Variants in SENP6 observed in about 807,000 individuals in gnomAD.
SENP6 encodes SUMO specific peptidase 6, also known as sentrin-specific protease 6.
SENP6 carries 41 observed loss-of-function variants against 134.5 expected under a neutral mutation model. The ratio of observed to expected loss-of-function variants is 0.30; its 90% CI spans 0.24 to 0.40. The LOEUF is 0.40. Ranked by LOEUF, SENP6 falls within the 10% of genes least tolerant of loss-of-function variation. The pLI is 1.00. For synonymous variants in SENP6, 395 were observed against 429.8 expected, an observed-to-expected ratio of 0.92 and a Z score of 1.00; for missense variants, 1,248 against 1,312.5, an observed-to-expected ratio of 0.95 and a Z score of 0.76.
Position 75,675,485 on chromosome 6 carries a change from C to CT in SENP6, c.1426+22dup, listed in dbSNP as rs1431607854. On this transcript the variant is annotated intron_variant, in intron 12 of 23. Coordinates refer to ENST00000447266, the MANE Select transcript of SENP6 (RefSeq NM_015571.4). ...AGCTAGACGGTAAGCTATTTTATGT[C>CT]TTTTTACTTACCAAAGCTTTCTTTA... The CT allele has an allele frequency of 7.1e-7, 1 of 1,406,602 alleles. No homozygotes were observed. The highest frequency in any genetic ancestry group is 2.3e-5 in the Admixed American group (1 of 44,358). 87.1% of individuals were successfully genotyped at this position (1,406,602 alleles called of 1,614,324 possible). A position where few individuals can be genotyped will look rare whatever the true frequency, so the allele number is the denominator to read the frequency against.
intron 13 of SENP6, among the ~76,000 whole-genome samples, chr6:75,676,296 A>T (rs1198006415): frequency 1.3e-5 from 2 of 152,108 alleles, no homozygotes; most frequent in African/African-American, 4.8e-5. Context: ...TTCTAAGTGG[A>T]TTAAAACCCA....
intron 1 of SENP6, among the ~76,000 whole-genome samples, chr6:75,607,382 A>C (rs1365926336): frequency 6.6e-6 from 1 of 151,894 alleles, no homozygotes; most frequent in African/African-American, 2.4e-5. Context: ...AGATGATTGG[A>C]ATAGAGGACA....
chr6:75,659,375 C>G lies in SENP6; in HGVS notation c.664C>G (p.Pro222Ala). ...CTATCAGCCTACTCCTCCTCTATCT[C>G]CTGCTTCAAAAAAATGTTTAACCCA... The part of the protein sequence containing the change: ...STYQPTPPLS[P>A]ASKKCLTHLE... Residue 222 changes from proline (P) to alanine (A), a missense_variant, in exon 8 of 24, where the codon CCT becomes GCT. Physicochemically the swap from Pro to Ala is conservative, Grantham distance 27. Around this residue, in one of 3 missense-constraint regions of SENP6, gnomAD observed 733 missense variants for 725.4 expected, o/e 1.01. Coordinates refer to ENST00000447266, the MANE Select transcript of SENP6 (RefSeq NM_015571.4). The G allele has an allele frequency of 1.2e-6, 2 of 1,609,022 alleles. No homozygotes were observed. Among genetic ancestry groups the G allele is most frequent in the Non-Finnish European group, 1.7e-6 (2 of 1,177,558 alleles).
At chr6:75,627,970 C>T (rs976256017) in intron 3 of SENP6, among the ~76,000 whole-genome samples, 1 of 152,174 alleles carries the variant, frequency 6.6e-6, no homozygotes, top group African/African-American at 2.4e-5. Context: ...CCACGCCTGG[C>T]CTGCTTTCAG....
At chr6:75,683,252 GT>G (rs961834745) in intron 16 of SENP6, among the ~76,000 whole-genome samples, 2 of 150,938 alleles carry the variant, frequency 1.3e-5, no homozygotes, top group African/African-American at 2.4e-5. Flanking sequence ...TTTTGATGGG[GT>G]TTTTTTTTCT....
chr6:75,659,753 C>T (rs1017059788), intron 8 of SENP6, among the ~76,000 whole-genome samples: 6 of 152,076 alleles, frequency 3.9e-5, no homozygotes, highest in Admixed American at 3.9e-4. Flanking sequence ...TTCACATTTG[C>T]TTTATTGTCC....
At chr6:75,628,440 A>G (rs532889451) in intron 3 of SENP6, among the ~76,000 whole-genome samples, 2 of 152,210 alleles carry the variant, frequency 1.3e-5, no homozygotes, top group Non-Finnish European at 2.9e-5. Context: ...TAATTATTAA[A>G]TTTATTATGC....
intron 1 of SENP6, among the ~76,000 whole-genome samples, chr6:75,616,814 C>T (rs1033762688): frequency 2.7e-5 from 4 of 150,618 alleles, no homozygotes; most frequent in Admixed American, 6.6e-5. Flanking sequence ...AATATTACGA[C>T]GTCTCTTTTG....
intron 19 of SENP6, among the ~76,000 whole-genome samples, chr6:75,708,569 A>C (rs1038422418): frequency 2.0e-5 from 3 of 152,152 alleles, no homozygotes; most frequent in African/African-American, 7.2e-5. Flanking sequence ...CCACCTGGGC[A>C]AAAGAGTGAG....
In SENP6 at chr6:75,678,682, C is replaced by A; in HGVS notation, c.1948C>A (p.Pro650Thr). The A allele has an allele frequency of 1.3e-6, 2 of 1,578,256 alleles. No homozygotes were observed. Among genetic ancestry groups the A allele is most frequent in the Non-Finnish European group, 1.7e-6 (2 of 1,152,166 alleles). Reference protein sequence around the residue: ...TGENHTIFIGPVEKLIVYPPP... With the variant: ...TGENHTIFIGTVEKLIVYPPP... ...AGAAAACCACACCATCTTCATTGGC[C>A]CAGTAGAAAAGTGAGAGAATTCCTT... Residue 650 changes from proline (P) to threonine (T), a missense_variant, in exon 15 of 24, where the codon CCA becomes ACA. Physicochemically the swap from Pro to Thr is conservative, Grantham distance 38. Transcript: ENST00000447266.
At chr6:75,629,385 G>A (rs546933769) in intron 3 of SENP6, among the ~76,000 whole-genome samples, 2 of 152,024 alleles carry the variant, frequency 1.3e-5, no homozygotes, top group East Asian at 1.9e-4. Flanking sequence ...TGCAACCTTC[G>A]CCTTCCCAGG....
intron 19 of SENP6, 134 bp from the exon 20 acceptor site, chr6:75,709,393 T>C (rs922126442): frequency 1.8e-6 from 1 of 546,000 alleles, no homozygotes; most frequent in Non-Finnish European, 3.2e-6. Flanking sequence ...ATGTTTGTGA[T>C]ATTACACACT....
intron 21 of SENP6, 151 bp downstream of exon 21, chr6:75,711,567 G>T (rs1775747007): frequency 5.7e-6 from 3 of 522,118 alleles, no homozygotes; most frequent in Admixed American, 3.6e-5. Flanking sequence ...GCTATCTAGG[G>T]ATTAAAATGG....
chr6:75,712,714 A>T (rs1775819390), intron 21 of SENP6, among the ~76,000 whole-genome samples: 1 of 152,054 alleles, frequency 6.6e-6, no homozygotes, highest in South Asian at 2.1e-4. Flanking sequence ...TGTTCTACAG[A>T]GTGTTCTGAA....
intron 1 of SENP6, among the ~76,000 whole-genome samples, chr6:75,613,114 TAAAA>T (rs71002750): frequency 6.9e-6 from 1 of 145,542 alleles, no homozygotes; most frequent in Non-Finnish European, 1.5e-5. Context: ...ATTCTGTCTT[TAAAA>T]AAAAAAAAAG....
chr6:75,682,053 A>G (rs1773500650), intron 16 of SENP6, among the ~76,000 whole-genome samples: 3 of 152,164 alleles, frequency 2.0e-5, no homozygotes. Flanking sequence ...AAGAAAAAGG[A>G]TGGAAAAGAT....
chr6:75,698,239 G>A (rs969854356), intron 18 of SENP6, among the ~76,000 whole-genome samples: 1 of 152,210 alleles, frequency 6.6e-6, no homozygotes, highest in Non-Finnish European at 1.5e-5. Flanking sequence ...GGCTTTCCTT[G>A]AGTGATATGG....
At chr6:75,610,672 A>G (rs933458198) in intron 1 of SENP6, among the ~76,000 whole-genome samples, 1 of 152,292 alleles carries the variant, frequency 6.6e-6, no homozygotes, top group South Asian at 2.1e-4. Context: ...TCCCAGGCAC[A>G]CTGGGATGTT....
chr6:75,663,207 T>G lies in SENP6; in HGVS notation c.697-14T>G, dbSNP rs1319485704. On this transcript the variant is annotated splice_polypyrimidine_tract_variant and intron_variant, in intron 8 of 23. Transcript: ENST00000447266. ...CAGACCAAATGCCAAAGTTGTGGTG[T>G]TCTTTTTTCTAAGGATTTGCAAAGA... 6 of 1,605,484 alleles carry G rather than the reference T, an allele frequency of 3.7e-6. No homozygotes were observed. Among genetic ancestry groups the G allele is most frequent in the East Asian group, 2.2e-5 (1 of 44,724 alleles).
Sources: gnomAD v4.1 joint callset for allele counts (sites outside exome capture counted in the v4.1 genomes callset) on GRCh38, gnomAD v4.1.1 for gene constraint, gnomAD v4.1.1 regional missense constraint, MANE v1.5 for transcripts, NCBI Gene and HGNC (gene_info 2026-07-23, HGNC 2026-07-21) for gene names.